The following ADGRB2 variants were observed in gnomAD, a reference collection of about 807,000 sequenced individuals.
ADGRB2 encodes brain-specific angiogenesis inhibitor 2.
Under a neutral mutation model 178.7 loss-of-function variants are expected in ADGRB2, and 47 were observed. That is an observed-to-expected ratio of 0.26 (90% CI 0.21 to 0.34). The LOEUF is 0.34. Among genes scored for constraint, ADGRB2 ranks in the 10% least tolerant of loss-of-function variants. The pLI is 1.00. For synonymous variants in ADGRB2, 870 were observed against 912.4 expected (o/e 0.95, Z 0.84); for missense variants, 1,584 against 2,180.8 (o/e 0.73, Z 5.45).
Position 31,741,491 on chromosome 1 carries a change from T to C in ADGRB2, c.1688-12A>G, listed in dbSNP as rs1645963426. The C allele has an allele frequency of 2.5e-6, 4 of 1,585,042 alleles. No homozygotes were observed. Among genetic ancestry groups the C allele is most frequent in the Non-Finnish European group, 1.7e-6 (2 of 1,165,064 alleles). On this transcript the variant is annotated splice_polypyrimidine_tract_variant and intron_variant, in intron 10 of 32. Transcript: ENST00000373658. The surrounding 1 kb of genome is among the most constrained non-coding windows in gnomAD (Gnocchi z 6.5). Reference sequence around the variant, plus strand: ...GCGGCTGGCAGACCCTGCAGGGCAATAGGACAGAGGTCTGGGCATGGGGGC... The same window carrying C: ...GCGGCTGGCAGACCCTGCAGGGCAACAGGACAGAGGTCTGGGCATGGGGGC...
chr1:31,744,711 G>C lies in ADGRB2; in HGVS notation c.859C>G (p.Pro287Ala), dbSNP rs143228587. The change falls in exon 5 of 33, where the codon CCG becomes GCG. Residue 287 changes from proline to alanine, a missense_variant. By Grantham distance (27) the Pro-to-Ala change is conservative (BLOSUM62 -1). Coordinates refer to ENST00000373658, the MANE Select transcript of ADGRB2 (RefSeq NM_001364857.2). This position sits in a 1 kb window ranked among gnomAD's most constrained non-coding sequence, Gnocchi z 6.7. ...CTCGGCCACTGGGTTTTCACTTTCG[G>C]TTCCTCTTCCGGCTCCTCACCTGGA... Reference protein sequence around the residue: ...MRYGEEPEEEPKVKTQWPRSA... With the variant: ...MRYGEEPEEEAKVKTQWPRSA... 9.0e-5 allele frequency: 145 copies of C among 1,614,186 alleles called. No homozygotes were observed. The African/African-American group carries it at 1.0e-3, about 11-fold the overall frequency.
Position 31,731,062 on chromosome 1 carries a change from G to C in ADGRB2, c.4118C>G (p.Ala1373Gly), listed in dbSNP as rs760695175. 3.2e-6 allele frequency: 5 copies of C among 1,581,206 alleles called. No homozygotes were observed. In the Admixed American group the frequency reaches 5.4e-5, roughly 17 times the overall value. The change falls in exon 29 of 33, where the codon GCC (alanine) becomes GGC (glycine). Residue 1373 changes from alanine to glycine, a missense_variant. This residue lies in a region of ADGRB2 where 865 missense variants were observed against 1,192.8 expected (regional missense o/e 0.73). Coordinates refer to ENST00000373658, the MANE Select transcript of ADGRB2 (RefSeq NM_001364857.2). Reference sequence around the variant, plus strand: ...GGTCCCCTCCGGCCGGGCCCTGGGGGCATCCTCACCACCTCCACCCCCACC... The same window carrying C: ...GGTCCCCTCCGGCCGGGCCCTGGGGCCATCCTCACCACCTCCACCCCCACC... Reference protein sequence around the residue: ...PGGGGGGGEDAPRARPEGTPR... With the variant: ...PGGGGGGGEDGPRARPEGTPR...
intron 4 of ADGRB2, among the ~76,000 whole-genome samples, chr1:31,750,496 TC>T (rs1372383927): frequency 6.6e-6 from 1 of 151,852 alleles, no homozygotes; most frequent in Non-Finnish European, 1.5e-5. Flanking sequence ...CACAGACCCC[TC>T]CCCCCAAACT....
intron 4 of ADGRB2, among the ~76,000 whole-genome samples, chr1:31,746,942 G>A (rs904457349): frequency 1.1e-4 from 17 of 152,192 alleles, no homozygotes; most frequent in African/African-American, 4.1e-4. Context: ...TGACTGCTCT[G>A]CAGCCAGCAC....
Position 31,738,618 on chromosome 1 carries a change from G to A in ADGRB2, c.2614C>T (p.Pro872Ser). Reference sequence around the variant, plus strand: ...GAGTAGTCCCAGCTGGCGCAATGGGGATCCGTGGTCCCCTGGGGAGCAAAA... The same window carrying A: ...GAGTAGTCCCAGCTGGCGCAATGGGAATCCGTGGTCCCCTGGGGAGCAAAA... Reference protein sequence around the residue: ...LSYIINGTTDPHCASWDYSRA... With the variant: ...LSYIINGTTDSHCASWDYSRA... The change falls in exon 17 of 33, where the codon CCC becomes TCC. Residue 872 changes from proline to serine, a missense_variant. Pro to Ser is a moderately conservative substitution (Grantham distance 74, BLOSUM62 -1). Coordinates refer to ENST00000373658, the MANE Select transcript of ADGRB2 (RefSeq NM_001364857.2). 1 of 1,611,958 alleles carries A rather than the reference G, an allele frequency of 6.2e-7. No individual in the cohort carries two copies. The highest frequency in any genetic ancestry group is 1.1e-5 in the South Asian group (1 of 90,606).
rs1419509696 is a variant in ADGRB2 at position 31,727,942 on chromosome 1, G to A, written c.4572+83C>T. 6 of 1,468,756 alleles carry A rather than the reference G, an allele frequency of 4.1e-6. No homozygotes were observed. The highest frequency in any genetic ancestry group is 4.5e-6 in the Non-Finnish European group (5 of 1,101,000). 91.0% of individuals were successfully genotyped at this position (1,468,756 alleles called of 1,614,324 possible). A position where few individuals can be genotyped will look rare whatever the true frequency, so the allele number is the denominator to read the frequency against. ...GGGAGGCCCTTGGTGAGACAGGCTG[G>A]GGTTGCCTGGGAGGGGCAGGAGGGC... is the stretch of plus-strand genomic sequence containing the variant. On this transcript the variant is annotated intron_variant, in intron 32 of 32. Coordinates refer to ENST00000373658, the MANE Select transcript of ADGRB2 (RefSeq NM_001364857.2). The surrounding 1 kb of genome is among the most constrained non-coding windows in gnomAD (Gnocchi z 4.4).
Position 31,759,511 on chromosome 1 carries a change from G to A in ADGRB2, c.-190-2000C>T. 1 of 661,792 alleles carries A rather than the reference G, an allele frequency of 1.5e-6. No individual in the cohort carries two copies. The highest frequency in any genetic ancestry group is 1.7e-5 in the South Asian group (1 of 57,338). The allele number at this position is 661,792 out of a possible 1,614,324, so 41.0% of individuals were successfully genotyped here. A position where few individuals can be genotyped will look rare whatever the true frequency, so the allele number is the denominator to read the frequency against. ...CCACATCCTTCAGAGCCACAGGCTG[G>A]CTTCTCCAGAATGGAGTCACTTTTA... is the stretch of plus-strand genomic sequence containing the variant. On this transcript the variant is annotated intron_variant, in intron 1 of 32. Transcript: ENST00000373658. This position sits in a 1 kb window ranked among gnomAD's most constrained non-coding sequence, Gnocchi z 4.3.
At position 31,761,504 on chromosome 1, in the gene ADGRB2, C is replaced by T. The variant is rs563808061; in HGVS notation, c.-191+2380G>A. ...CTCTGACTGGGGTTTCTTCTCTGTA[C>T]TTCTCCCACCTCTGCAGCCTCTACA... On this transcript the variant is annotated intron_variant, in intron 1 of 32. Coordinates refer to ENST00000373658, the MANE Select transcript of ADGRB2 (RefSeq NM_001364857.2). The surrounding 1 kb of genome is among the most constrained non-coding windows in gnomAD (Gnocchi z 4.2). Among the ~76,000 whole-genome samples, 2 of 152,208 alleles carry T rather than the reference C, an allele frequency of 1.3e-5. No homozygotes were observed. Among genetic ancestry groups the T allele is most frequent in the South Asian group, 2.1e-4 (1 of 4,828 alleles).
chr1:31,738,463 G>A (rs775490011), intron 17 of ADGRB2, 124 bp downstream of exon 17: 611 of 1,526,864 alleles, frequency 4.0e-4, no homozygotes, highest in Non-Finnish European at 5.2e-4. Flanking sequence ...CCCAGGATAC[G>A]TTCTTGACCC....
At position 31,755,935 on chromosome 1, in the gene ADGRB2, T is replaced by C; in HGVS notation, c.838+64A>G. 5.8e-6 allele frequency: 9 copies of C among 1,540,160 alleles called. No homozygotes were observed. The highest frequency in any genetic ancestry group is 7.9e-6 in the Non-Finnish European group (9 of 1,139,784). On this transcript the variant is annotated intron_variant, in intron 4 of 32. Coordinates refer to ENST00000373658, the MANE Select transcript of ADGRB2 (RefSeq NM_001364857.2). This position sits in a 1 kb window ranked among gnomAD's most constrained non-coding sequence, Gnocchi z 5.1. Reference sequence around the variant, plus strand: ...ATGCATGGCCGAGGATCTGCCAGGATGGACACCAGGGACACTGTCAGCCCC... The same window carrying C: ...ATGCATGGCCGAGGATCTGCCAGGACGGACACCAGGGACACTGTCAGCCCC...
In ADGRB2 at chr1:31,740,514, G is replaced by A. The variant is rs1411295328; in HGVS notation, c.1822C>T (p.Arg608Cys). The change falls in exon 12 of 33, where the codon CGC (arginine) becomes TGC (cysteine). Residue 608 changes from arginine to cysteine, a missense_variant. Arg to Cys is a radical substitution (Grantham distance 180, BLOSUM62 -3). This residue lies in a region of ADGRB2 where 657 missense variants were observed against 847.6 expected (regional missense o/e 0.78). Coordinates refer to ENST00000373658, the MANE Select transcript of ADGRB2 (RefSeq NM_001364857.2). The surrounding 1 kb of genome is among the most constrained non-coding windows in gnomAD (Gnocchi z 5.9). ...SLREHLAKGQ[R>C]MLAGEGMSQV... ...GACATGCCCTCGCCTGCCAGCATGC[G>A]CTGCCCCTTGGCCAGGTGCTCCCTA... 1.2e-6 allele frequency: 2 copies of A among 1,610,608 alleles called. No individual in the cohort carries two copies. The highest frequency in any genetic ancestry group is 1.7e-6 in the Non-Finnish European group (2 of 1,178,684).
chr1:31,758,128 C>A lies in ADGRB2; in HGVS notation c.-190-617G>T, dbSNP rs1401688926. 6.6e-6 allele frequency among the ~76,000 whole-genome samples: 1 copy of A among 152,228 alleles called. No individual in the cohort carries two copies. The highest frequency in any genetic ancestry group is 1.5e-5 in the Non-Finnish European group (1 of 68,028). On this transcript the variant is annotated intron_variant, in intron 1 of 32. Transcript: ENST00000373658. This position sits in a 1 kb window ranked among gnomAD's most constrained non-coding sequence, Gnocchi z 4.2. ...TCAGCCCCACTTCCAATCCTACCCC[C>A]CAAGTAATCCAAGCGGCCTCCCTCC...
At position 31,755,942 on chromosome 1, in the gene ADGRB2, C is replaced by T. The variant is rs878937469; in HGVS notation, c.838+57G>A. Reference sequence around the variant, plus strand: ...GCCGAGGATCTGCCAGGATGGACACCAGGGACACTGTCAGCCCCTGCAGAC... The same window carrying T: ...GCCGAGGATCTGCCAGGATGGACACTAGGGACACTGTCAGCCCCTGCAGAC... On this transcript the variant is annotated intron_variant, in intron 4 of 32. Coordinates refer to ENST00000373658, the MANE Select transcript of ADGRB2 (RefSeq NM_001364857.2). The surrounding 1 kb of genome is among the most constrained non-coding windows in gnomAD (Gnocchi z 5.1). 94 of 1,550,022 alleles carry T rather than the reference C, an allele frequency of 6.1e-5. No individual in the cohort carries two copies. The Middle Eastern group carries it at 1.4e-3, about 23-fold the overall frequency.
Position 31,748,812 on chromosome 1 carries a change from C to CTATTCT in ADGRB2, c.839-4082_839-4081insAGAATA, listed in dbSNP as rs1370472567. On this transcript the variant is annotated intron_variant, in intron 4 of 32. Coordinates refer to ENST00000373658, the MANE Select transcript of ADGRB2 (RefSeq NM_001364857.2). The stretch of plus-strand genomic sequence containing the variant: ...AACTATTCTGTTCTGAATAAGGCAA[C>CTATTCT]GTTTACTAAACAACTCCTACATGCC... Among the ~76,000 whole-genome samples, 220 of 152,376 alleles carry CTATTCT rather than the reference C, an allele frequency of 1.4e-3. 1 individual carries two copies. Among genetic ancestry groups the CTATTCT allele is most frequent in the Non-Finnish European group, 2.5e-3 (171 of 68,040 alleles).
intron 26 of ADGRB2, 111 bp downstream of exon 26, chr1:31,732,861 G>C (rs1645364399): frequency 1.4e-6 from 2 of 1,398,266 alleles, no homozygotes; most frequent in African/African-American, 2.9e-5. Flanking sequence ...CCCAGATGGG[G>C]CCTGGGGCAC....
chr1:31,746,522 T>C (rs1646280679), intron 4 of ADGRB2, among the ~76,000 whole-genome samples: 1 of 152,152 alleles, frequency 6.6e-6, no homozygotes, highest in Admixed American at 6.5e-5. Context: ...ACTGGCACCA[T>C]GACAGCTTCA....
In ADGRB2 at chr1:31,727,827, C is replaced by T; in HGVS notation, c.4572+198G>A. On this transcript the variant is annotated intron_variant, in intron 32 of 32. Coordinates refer to ENST00000373658, the MANE Select transcript of ADGRB2 (RefSeq NM_001364857.2). The surrounding 1 kb of genome is among the most constrained non-coding windows in gnomAD (Gnocchi z 4.4). The stretch of plus-strand genomic sequence containing the variant: ...ACATGTCTCCTGCTGACCACTCTCC[C>T]TCCCAATCCTGGAGGACCTCCACCC... 2.3e-6 allele frequency: 2 copies of T among 885,742 alleles called. No individual in the cohort carries two copies. The highest frequency in any genetic ancestry group is 3.3e-6 in the Non-Finnish European group (2 of 599,026). The allele number at this position is 885,742 out of a possible 1,614,324, so 54.9% of individuals were successfully genotyped here.
Position 31,759,018 on chromosome 1 carries a change from A to G in ADGRB2, c.-190-1507T>C, listed in dbSNP as rs977458090. 3.3e-5 allele frequency among the ~76,000 whole-genome samples: 5 copies of G among 152,114 alleles called. No individual in the cohort carries two copies. The highest frequency in any genetic ancestry group is 2.1e-4 in the South Asian group (1 of 4,830). On this transcript the variant is annotated intron_variant, in intron 1 of 32. Coordinates refer to ENST00000373658, the MANE Select transcript of ADGRB2 (RefSeq NM_001364857.2). The surrounding 1 kb of genome is among the most constrained non-coding windows in gnomAD (Gnocchi z 4.3). ...TGGAGGGGAGGTAGGGGCTCATTAT[A>G]ACCGGCCTCCCCTCCCCCACTTACA...
chr1:31,740,895 GCACACACACA>G lies in ADGRB2; in HGVS notation c.1795-364_1795-355del, dbSNP rs145689822. Among the ~76,000 whole-genome samples, 2 of 140,388 alleles carry G rather than the reference GCACACACACA, an allele frequency of 1.4e-5. No individual in the cohort carries two copies. Among genetic ancestry groups the G allele is most frequent in the East Asian group, 2.2e-4 (1 of 4,640 alleles). 92.1% of individuals were successfully genotyped at this position (140,388 alleles called of 152,430 possible). A position where few individuals can be genotyped will look rare whatever the true frequency, so the allele number is the denominator to read the frequency against. On this transcript the variant is annotated intron_variant, in intron 11 of 32. Coordinates refer to ENST00000373658, the MANE Select transcript of ADGRB2 (RefSeq NM_001364857.2). The surrounding 1 kb of genome is among the most constrained non-coding windows in gnomAD (Gnocchi z 5.9). ...AATGAGCATGTGTGTGGGCGCGCGC[GCACACACACA>G]CACACACACACACACACACACTGTC...
Sources: gnomAD v4.1 joint callset for allele counts (sites outside exome capture counted in the v4.1 genomes callset) on GRCh38, gnomAD v4.1.1 for gene constraint, gnomAD v4.1.1 regional missense constraint, Gnocchi (gnomAD v3.1) non-coding constraint, MANE v1.5 for transcripts, NCBI Gene and HGNC (gene_info 2026-07-23, HGNC 2026-07-21) for gene names.